CREB3L2: variants seen among roughly 807,000 people sequenced by gnomAD.
The protein encoded by CREB3L2 is cyclic AMP-responsive element-binding protein 3-like protein 2.
Under a neutral mutation model 57.2 loss-of-function variants are expected in CREB3L2, and 23 were observed. The observed-to-expected ratio is 0.40, with a 90% confidence interval of 0.29 to 0.57. The LOEUF (loss-of-function observed/expected upper bound fraction) is 0.57, where lower values mean the gene tolerates loss of function less well. Among genes scored for constraint, CREB3L2 ranks in the 20% least tolerant of loss-of-function variants. The pLI, the probability that CREB3L2 is intolerant of heterozygous loss-of-function variation, is 0.42. For synonymous variants in CREB3L2, 268 were observed against 265.1 expected (o/e 1.01, Z -0.11); for missense variants, 628 against 634.7 (o/e 0.99, Z 0.11).
In CREB3L2 at chr7:138,001,990, A is replaced by C; in HGVS notation, c.-285T>G. 2.6e-6 allele frequency: 1 copy of C among 390,716 alleles called. No homozygotes were observed. Among genetic ancestry groups the C allele is most frequent in the Non-Finnish European group, 4.6e-6 (1 of 215,650 alleles). 24.2% of individuals were successfully genotyped at this position (390,716 alleles called of 1,614,324 possible). Reference sequence around the variant, plus strand: ...TGTGCATCCAAAATGAAGGCAGAAGACCCGCTCTCATCCCAGGAAAATCCC... The same window carrying C: ...TGTGCATCCAAAATGAAGGCAGAAGCCCCGCTCTCATCCCAGGAAAATCCC... On this transcript the variant is annotated 5_prime_UTR_variant, in exon 1 of 12. Coordinates refer to ENST00000330387, the MANE Select transcript of CREB3L2 (RefSeq NM_194071.4). This position sits in a 1 kb window ranked among gnomAD's most constrained non-coding sequence, Gnocchi z 4.2.
intron 1 of CREB3L2, among the ~76,000 whole-genome samples, chr7:137,966,633 T>A (rs61023124): frequency 1.3e-5 from 2 of 152,132 alleles, no homozygotes; most frequent in African/African-American, 4.8e-5. Context: ...CTCATGTTCA[T>A]GCCTCTCAAA....
At chr7:137,920,513 T>G (rs936264159) in intron 2 of CREB3L2, among the ~76,000 whole-genome samples, 1 of 152,156 alleles carries the variant, frequency 6.6e-6, no homozygotes, top group Non-Finnish European at 1.5e-5. Flanking sequence ...ATTACGATAA[T>G]AAATGACTGA....
At chr7:137,938,084 A>G (rs1800821723) in intron 1 of CREB3L2, among the ~76,000 whole-genome samples, 1 of 152,222 alleles carries the variant, frequency 6.6e-6, no homozygotes, top group Admixed American at 6.5e-5. Context: ...TGACACGGAT[A>G]CTATAATGGT....
At chr7:137,899,029 G>A (rs993838888) in intron 8 of CREB3L2, among the ~76,000 whole-genome samples, 5 of 43,320 alleles carry the variant, frequency 1.2e-4, no homozygotes, top group African/African-American at 3.5e-4. Context: ...GGAAGGGAAG[G>A]AAGAAAGGAA....
At chr7:137,992,447 G>A (rs1287741790) in intron 1 of CREB3L2, among the ~76,000 whole-genome samples, 5 of 152,140 alleles carry the variant, frequency 3.3e-5, no homozygotes, top group Admixed American at 6.5e-5. Flanking sequence ...TGGGTGCAGC[G>A]ATAAGAAGGA....
rs113525082 is a variant in CREB3L2 at position 137,877,275 on chromosome 7, C to T, written c.*3201G>A. The T allele has an allele frequency of 4.4e-6, 1 of 225,692 alleles. No individual in the cohort carries two copies. Among genetic ancestry groups the T allele is most frequent in the African/African-American group, 2.2e-5 (1 of 44,910 alleles). The allele number at this position is 225,692 out of a possible 1,614,324, so 14.0% of individuals were successfully genotyped here. ...ACAAATTAGGCCTCCAAATCAAAATCATTTATATTAACCAAAAGGTTATCT... is the reference window on the plus strand; with the variant it reads ...ACAAATTAGGCCTCCAAATCAAAATTATTTATATTAACCAAAAGGTTATCT... On this transcript the variant is annotated 3_prime_UTR_variant, in exon 12 of 12. Transcript: ENST00000330387.
intron 1 of CREB3L2, among the ~76,000 whole-genome samples, chr7:137,990,096 C>A (rs1801865709): frequency 6.6e-6 from 1 of 152,214 alleles, no homozygotes; most frequent in Non-Finnish European, 1.5e-5. Context: ...TTCCCGCTTA[C>A]AAAAGAATGT....
At chr7:137,916,816 G>A (rs567883598) in intron 2 of CREB3L2, among the ~76,000 whole-genome samples, 3 of 152,130 alleles carry the variant, frequency 2.0e-5, no homozygotes, top group Admixed American at 1.3e-4. Context: ...GAGTGACAGC[G>A]AGAGCGACAG....
chr7:137,945,975 T>A (rs1800965887), intron 1 of CREB3L2, among the ~76,000 whole-genome samples: 1 of 152,250 alleles, frequency 6.6e-6, no homozygotes, highest in Non-Finnish European at 1.5e-5. Flanking sequence ...CACAAATACT[T>A]AAAATAATAT....
chr7:137,936,093 T>C (rs1483801382), intron 1 of CREB3L2, among the ~76,000 whole-genome samples: 1 of 152,200 alleles, frequency 6.6e-6, no homozygotes, highest in African/African-American at 2.4e-5. Flanking sequence ...TACCGACCTG[T>C]CTTCCGTACA....
chr7:137,982,103 T>G (rs1001189890), intron 1 of CREB3L2, among the ~76,000 whole-genome samples: 3 of 152,188 alleles, frequency 2.0e-5, no homozygotes, highest in African/African-American at 7.2e-5. Context: ...GCTTCTACTT[T>G]AGAGGTACAG....
rs1216967774 is a variant in CREB3L2, at chr7:137,905,751, T to A, written c.866A>T (p.Lys289Ile). ...YPIPTKLPLS[K>I]SEEKALKKIR... ...TTTCTTCAGGGCCTTCTCCTCTGAT[T>A]TTGACAGGGGCAATTTGGTGGGGAT... Residue 289 changes from lysine (K) to isoleucine (I), a missense_variant, in exon 6 of 12, where the codon AAA becomes ATA. Lys to Ile is a moderately radical substitution (Grantham distance 102). Transcript: ENST00000330387. 6.2e-7 allele frequency: 1 copy of A among 1,614,064 alleles called. No homozygotes were observed. Among genetic ancestry groups the A allele is most frequent in the Non-Finnish European group, 8.5e-7 (1 of 1,180,020 alleles).
At chr7:137,883,669 T>C (rs1799346645) in intron 10 of CREB3L2, among the ~76,000 whole-genome samples, 1 of 152,210 alleles carries the variant, frequency 6.6e-6, no homozygotes, top group African/African-American at 2.4e-5. Context: ...TTTCTTATGG[T>C]GGTGTACTCA....
chr7:137,896,458 C>T (rs531908624), intron 8 of CREB3L2, among the ~76,000 whole-genome samples: 20 of 152,260 alleles, frequency 1.3e-4, no homozygotes, highest in African/African-American at 1.9e-4. Context: ...CACGCCACCA[C>T]GCCCAGCTAA....
chr7:137,991,264 T>C (rs1801889897), intron 1 of CREB3L2, among the ~76,000 whole-genome samples: 1 of 151,748 alleles, frequency 6.6e-6, no homozygotes, highest in Non-Finnish European at 1.5e-5. Context: ...CCCGGGTTCA[T>C]GCTATTCTCC....
At chr7:137,949,266 C>T (rs189515915) in intron 1 of CREB3L2, among the ~76,000 whole-genome samples, 109 of 152,326 alleles carry the variant, frequency 7.2e-4, no homozygotes, top group Middle Eastern at 3.4e-3. Context: ...CCGTGATGGG[C>T]AATCCAGCAG....
At chr7:137,974,479 A>AT (rs1563270771) in intron 1 of CREB3L2, among the ~76,000 whole-genome samples, 1 of 152,206 alleles carries the variant, frequency 6.6e-6, no homozygotes, top group Non-Finnish European at 1.5e-5. Context: ...GGACTCATGG[A>AT]TGGAGCGCAG....
chr7:137,978,291 A>AT (rs1216244070), intron 1 of CREB3L2, among the ~76,000 whole-genome samples: 1 of 152,218 alleles, frequency 6.6e-6, no homozygotes, highest in Non-Finnish European at 1.5e-5. Context: ...AAAGCAAGAG[A>AT]TTTTACACAC....
intron 2 of CREB3L2, among the ~76,000 whole-genome samples, chr7:137,922,078 A>C (rs1018759336): frequency 2.0e-5 from 3 of 151,784 alleles, no homozygotes; most frequent in African/African-American, 7.3e-5. Context: ...CTCAACATAC[A>C]TCTTATCTTA....
Sources: allele counts gnomAD v4.1 joint callset (sites outside exome capture counted in the v4.1 genomes callset), GRCh38; gene constraint gnomAD v4.1.1; non-coding constraint Gnocchi (gnomAD v3.1); transcripts MANE v1.5; gene names NCBI Gene and HGNC (gene_info 2026-07-23, HGNC 2026-07-21).